ADAM32: variants seen among roughly 807,000 people sequenced by gnomAD.
ADAM32 encodes ADAM metallopeptidase domain 32.
Under a neutral mutation model 114.9 loss-of-function variants are expected in ADAM32, and 89 were observed. The observed-to-expected ratio is 0.77, with a 90% CI of 0.65 to 0.92. ADAM32 has a LOEUF of 0.92. Among genes scored for constraint, ADAM32 ranks in the 40% least tolerant of loss-of-function variants. ADAM32 has a pLI of 0.00. For synonymous variants in ADAM32, 285 were observed against 307.5 expected (o/e 0.93, Z 0.77); for missense variants, 870 against 932.8 (o/e 0.93, Z 0.88).
chr8:39,223,729 A>G (rs753754323), intron 14 of ADAM32: 2 of 152,100 alleles, frequency 1.3e-5, no homozygotes, highest in Non-Finnish European at 2.9e-5. Context: ...ATTGTTGTAC[A>G]TTACATCTCT....
intron 2 of ADAM32, among the ~76,000 whole-genome samples, chr8:39,123,077 C>T (rs192013563): frequency 9.9e-5 from 15 of 152,118 alleles, no homozygotes; most frequent in Admixed American, 8.5e-4. Context: ...CCTGTGGATC[C>T]AACTTTCCCA....
In ADAM32 at chr8:39,199,957, T is replaced by A. The variant is rs560356344; in HGVS notation, c.1053-11187T>A. Among the ~76,000 whole-genome samples the A allele has an allele frequency of 2.6e-5, 4 of 152,326 alleles. No individual in the cohort carries two copies. The East Asian group carries it at 5.8e-4, about 22-fold the overall frequency. ...CCCTACAAAGGACATGAACTCATCATTTTTTATGGCTGCATAGTATTCCAT... is the reference window on the plus strand; with the variant it reads ...CCCTACAAAGGACATGAACTCATCAATTTTTATGGCTGCATAGTATTCCAT... On this transcript the variant is annotated intron_variant, in intron 11 of 24. Coordinates refer to ENST00000379907, the MANE Select transcript of ADAM32 (RefSeq NM_145004.7).
At chr8:39,162,526 A>C in intron 7 of ADAM32, among the ~76,000 whole-genome samples, 1 of 152,166 alleles carries the variant, frequency 6.6e-6, no homozygotes, top group African/African-American at 2.4e-5. Context: ...GTATATACCC[A>C]GTAATGGGAT....
At chr8:39,215,936 GTTTC>G (rs1808529903) in intron 12 of ADAM32, among the ~76,000 whole-genome samples, 1 of 151,788 alleles carries the variant, frequency 6.6e-6, no homozygotes. Context: ...TAAGTTTGAT[GTTTC>G]TTTATTGATT....
At chr8:39,107,597 A>G (rs1839976175), upstream of ADAM32, 17 of 1,414,516 alleles carry the variant, frequency 1.2e-5, no homozygotes, top group South Asian at 2.4e-4. Flanking sequence ...CTCGGGGCGC[A>G]CGCTGCGGGC....
intron 16 of ADAM32, among the ~76,000 whole-genome samples, chr8:39,235,689 A>G (rs557894776): frequency 6.6e-6 from 1 of 152,206 alleles, no homozygotes; most frequent in African/African-American, 2.4e-5. Flanking sequence ...AAACATTCTT[A>G]GTATTGTTTC....
chr8:39,216,495 T>A (rs1005645121), intron 12 of ADAM32, among the ~76,000 whole-genome samples: 1 of 151,902 alleles, frequency 6.6e-6, no homozygotes, highest in African/African-American at 2.4e-5. Flanking sequence ...TTCCTTTCCT[T>A]CCCTTCCCTT....
At chr8:39,215,691 A>G (rs1808508137) in intron 12 of ADAM32, among the ~76,000 whole-genome samples, 1 of 152,002 alleles carries the variant, frequency 6.6e-6, no homozygotes, top group African/African-American at 2.4e-5. Context: ...TATTTGTAAT[A>G]GTTTTCAAAA....
chr8:39,135,160 A>G (rs911411030), intron 2 of ADAM32, among the ~76,000 whole-genome samples: 1 of 152,198 alleles, frequency 6.6e-6, no homozygotes, highest in Non-Finnish European at 1.5e-5. Flanking sequence ...TGTCGCAAGA[A>G]AAAAACAAAA....
In ADAM32 at chr8:39,151,510, G is replaced by A. The variant is rs770863510; in HGVS notation, c.487G>A (p.Glu163Lys). ...AATTTTTATTGACAGAAGCCTGAAA[G>A]AACAACCAATGGATGACAACATTTT... is the stretch of plus-strand genomic sequence containing the variant. ...IAIFIDRSLK[E>K]QPMDDNIFIS... Residue 163 changes from glutamate to lysine, a missense_variant, in exon 6 of 25, where the codon GAA (glutamate) becomes AAA (lysine). Glu to Lys is a moderately conservative substitution (Grantham distance 56, BLOSUM62 1). Transcript: ENST00000379907. 1.9e-6 allele frequency: 3 copies of A among 1,593,066 alleles called. No homozygotes were observed. In the South Asian group the frequency reaches 3.5e-5, roughly 19 times the overall value.
intron 10 of ADAM32, among the ~76,000 whole-genome samples, chr8:39,172,079 AT>A (rs1314320343): frequency 6.6e-6 from 1 of 151,750 alleles, no homozygotes; most frequent in Non-Finnish European, 1.5e-5. Flanking sequence ...AGAAATAAAT[AT>A]TTCTTATGAC....
intron 9 of ADAM32, 60 bp downstream of exon 9, chr8:39,165,256 C>A: frequency 8.4e-7 from 1 of 1,187,818 alleles, no homozygotes; most frequent in Non-Finnish European, 1.1e-6. Flanking sequence ...AATTATGTGG[C>A]TTAATGTAAG....
intron 11 of ADAM32, among the ~76,000 whole-genome samples, chr8:39,201,379 C>A (rs545198442): frequency 6.6e-6 from 1 of 152,032 alleles, no homozygotes; most frequent in African/African-American, 2.4e-5. Flanking sequence ...ATTTTATTCT[C>A]TTTGAAGCAA....
At chr8:39,128,706 C>T (rs111758319) in intron 2 of ADAM32, among the ~76,000 whole-genome samples, 1 of 152,058 alleles carries the variant, frequency 6.6e-6, no homozygotes, top group African/African-American at 2.4e-5. Context: ...CCAAGATAGG[C>T]CTGGTGGTGA....
At chr8:39,136,849 T>C (rs1380219139) in intron 3 of ADAM32, 131 bp downstream of exon 3, 1 of 640,932 alleles carries the variant, frequency 1.6e-6, no homozygotes, top group Non-Finnish European at 2.4e-6. Flanking sequence ...GAAGAGATGC[T>C]GTCCTGTGAC....
chr8:39,272,923 T>C (rs547536246), intron 20 of ADAM32, among the ~76,000 whole-genome samples: 1 of 152,306 alleles, frequency 6.6e-6, no homozygotes, highest in Admixed American at 6.5e-5. Context: ...CTTTATCGGC[T>C]TTTTTGTCTT....
At chr8:39,131,343 T>C (rs1005225318) in intron 2 of ADAM32, among the ~76,000 whole-genome samples, 33 of 152,120 alleles carry the variant, frequency 2.2e-4, no homozygotes, top group Admixed American at 9.8e-4. Context: ...CATAAAAAAA[T>C]AGCCAGCCAT....
At chr8:39,254,585 GT>G in intron 18 of ADAM32, 69 bp downstream of exon 18, 2 of 1,277,310 alleles carry the variant, frequency 1.6e-6, no homozygotes. Context: ...CTAAAACAAA[GT>G]TCGATTTTTC....
intron 10 of ADAM32, 108 bp from the exon 11 acceptor site, chr8:39,186,801 A>G: frequency 1.0e-6 from 1 of 978,186 alleles, no homozygotes; most frequent in South Asian, 2.2e-5. Flanking sequence ...ATATCTCCCT[A>G]ATTCTTTAGC....
Sources: allele counts gnomAD v4.1 joint callset (sites outside exome capture counted in the v4.1 genomes callset), GRCh38; gene constraint gnomAD v4.1.1; transcripts MANE v1.5; gene names NCBI Gene and HGNC (gene_info 2026-07-23, HGNC 2026-07-21).